SPATA6: variants seen among roughly 807,000 people sequenced by gnomAD.
SPATA6 encodes the protein spermatogenesis associated 6, also known as spermatogenesis-associated protein 6.
A neutral mutation model predicts 65.3 loss-of-function variants in SPATA6; 56 were observed. The observed-to-expected ratio is 0.86, with a 90% confidence interval of 0.69 to 1.07. The LOEUF is 1.07. Among genes scored for constraint, SPATA6 ranks in the 50% least tolerant of loss-of-function variants. SPATA6 has a pLI of 0.00. For missense variants in SPATA6, 590 were observed against 594.8 expected (o/e 0.99, Z 0.08); for synonymous variants, 199 against 213.2 (o/e 0.93, Z 0.58).
intron 9 of SPATA6, among the ~76,000 whole-genome samples, chr1:48,363,354 A>G (rs1347744434): frequency 6.6e-6 from 1 of 152,156 alleles, no homozygotes; most frequent in African/African-American, 2.4e-5. Context: ...TATTTCTTCA[A>G]TGTATCTTCA....
intron 3 of SPATA6, among the ~76,000 whole-genome samples, chr1:48,451,323 C>A (rs77541501): frequency 1.5e-3 from 223 of 152,182 alleles, no homozygotes; most frequent in African/African-American, 5.1e-3. Flanking sequence ...TTTCCACAGA[C>A]CAAACACACA....
At chr1:48,452,046 A>G (rs923925090) in intron 2 of SPATA6, among the ~76,000 whole-genome samples, 10 of 152,112 alleles carry the variant, frequency 6.6e-5, no homozygotes, top group African/African-American at 2.2e-4. Context: ...CCCGCCCATT[A>G]TTCTCTTCAT....
intron 9 of SPATA6, among the ~76,000 whole-genome samples, chr1:48,367,665 C>G (rs1321964187): frequency 6.6e-6 from 1 of 152,144 alleles, no homozygotes; most frequent in Non-Finnish European, 1.5e-5. Context: ...CTTCCTCCAT[C>G]CCTTTATTTT....
At chr1:48,421,420 T>A (rs1653324310) in intron 3 of SPATA6, among the ~76,000 whole-genome samples, 1 of 152,112 alleles carries the variant, frequency 6.6e-6, no homozygotes, top group Non-Finnish European at 1.5e-5. Context: ...AGCCATGTTA[T>A]ATTTGATCTC....
At chr1:48,416,041 G>C (rs187817151) in intron 3 of SPATA6, among the ~76,000 whole-genome samples, 4 of 152,030 alleles carry the variant, frequency 2.6e-5, no homozygotes, top group African/African-American at 9.6e-5. Context: ...TGTCTCTACA[G>C]AAAATACAAA....
At position 48,305,896 on chromosome 1, in the gene SPATA6, T is replaced by C; in HGVS notation, c.1195-18A>G. 1 of 1,594,446 alleles carries C rather than the reference T, an allele frequency of 6.3e-7. No individual in the cohort carries two copies. The highest frequency in any genetic ancestry group is 8.6e-7 in the Non-Finnish European group (1 of 1,164,166). On this transcript the variant is annotated intron_variant, in intron 11 of 12. Coordinates refer to ENST00000371847, the MANE Select transcript of SPATA6 (RefSeq NM_019073.4). ...CTCTCATCCTGAAAAATTTTAAAGA[T>C]TTCCATTAACTCACTGTCTCATTGT... is the stretch of plus-strand genomic sequence containing the variant.
intron 1 of SPATA6, among the ~76,000 whole-genome samples, chr1:48,471,755 G>A (rs1658270013): frequency 6.6e-6 from 1 of 152,248 alleles, no homozygotes; most frequent in Non-Finnish European, 1.5e-5. Flanking sequence ...GCATAGCGGA[G>A]CAGGGGTCAG....
the SPATA6 span, among the ~76,000 whole-genome samples, chr1:48,287,037 CAAA>C: frequency 8.0e-5 from 9 of 113,124 alleles, no homozygotes; most frequent in Non-Finnish European, 5.6e-5. Context: ...TAGACTGTCT[CAAA>C]AAAAAAAAAA....
chr1:48,282,253 C>A, the SPATA6 span, among the ~76,000 whole-genome samples: 27 of 152,272 alleles, frequency 1.8e-4, no homozygotes, highest in Non-Finnish European at 2.9e-4. Context: ...CTAGGCATTA[C>A]CATTCAGGAC....
At chr1:48,392,114 C>A (rs1650133148) in intron 8 of SPATA6, among the ~76,000 whole-genome samples, 1 of 152,038 alleles carries the variant, frequency 6.6e-6, no homozygotes, top group African/African-American at 2.4e-5. Context: ...GTTGTCTACT[C>A]AAGATATGAC....
In SPATA6 at chr1:48,315,198, G is replaced by C. The variant is rs574607453; in HGVS notation, c.1195-9320C>G. Among the ~76,000 whole-genome samples, 254 of 152,176 alleles carry C rather than the reference G, an allele frequency of 1.7e-3. 1 individual carries two copies. The highest frequency in any genetic ancestry group is 3.4e-3 in the African/African-American group (140 of 41,514). Reference sequence around the variant, plus strand: ...TCCTCCCTAACTCATTTTATGAGGCGAGCATCATCCTGATACCAAAGCCTG... The same window carrying C: ...TCCTCCCTAACTCATTTTATGAGGCCAGCATCATCCTGATACCAAAGCCTG... On this transcript the variant is annotated intron_variant, in intron 11 of 12. Coordinates refer to ENST00000371847, the MANE Select transcript of SPATA6 (RefSeq NM_019073.4).
chr1:48,314,701 C>G (rs1037041637), intron 11 of SPATA6, among the ~76,000 whole-genome samples: 1 of 152,022 alleles, frequency 6.6e-6, no homozygotes, highest in Admixed American at 6.6e-5. Context: ...CAGAGCAGAA[C>G]TGAAGGAGAC....
chr1:48,364,939 A>G (rs1398265019), intron 9 of SPATA6, among the ~76,000 whole-genome samples: 1 of 152,128 alleles, frequency 6.6e-6, no homozygotes, highest in Non-Finnish European at 1.5e-5. Flanking sequence ...TAGGTCTTAC[A>G]TGTAAGTCTT....
chr1:48,387,167 C>T (rs376893189), intron 8 of SPATA6, among the ~76,000 whole-genome samples: 3 of 152,098 alleles, frequency 2.0e-5, no homozygotes, highest in South Asian at 2.1e-4. Context: ...CATTAGATCT[C>T]GTGAGACTTA....
At chr1:48,275,620 C>T in the SPATA6 span, among the ~76,000 whole-genome samples, 2 of 152,066 alleles carry the variant, frequency 1.3e-5, no homozygotes, top group East Asian at 3.8e-4. Context: ...GTCATTGTTT[C>T]TGTTTCTGTG....
At chr1:48,308,956 G>C (rs114977947) in intron 11 of SPATA6, among the ~76,000 whole-genome samples, 5,389 of 152,112 alleles carry the variant, frequency 0.035, 314 homozygotes, top group African/African-American at 0.12. Context: ...CGAAATCATA[G>C]CTCACTGTAG....
In SPATA6 at chr1:48,297,078, A is replaced by G. The variant is rs1279870861; in HGVS notation, c.*1635T>C. On this transcript the variant is annotated 3_prime_UTR_variant, in exon 13 of 13. Coordinates refer to ENST00000371847, the MANE Select transcript of SPATA6 (RefSeq NM_019073.4). Reference sequence around the variant, plus strand: ...GTTTACAGGCGCTATTCCAGCATTAATATCATCTCTTTTTACCTCTATAAT... The same window carrying G: ...GTTTACAGGCGCTATTCCAGCATTAGTATCATCTCTTTTTACCTCTATAAT... The G allele has an allele frequency of 6.6e-6, 1 of 151,498 alleles. No individual in the cohort carries two copies. Among genetic ancestry groups the G allele is most frequent in the Admixed American group, 6.6e-5 (1 of 15,164 alleles). 9.4% of individuals were successfully genotyped at this position (151,498 alleles called of 1,614,324 possible).
At chr1:48,303,930 T>C (rs1644998065) in intron 12 of SPATA6, among the ~76,000 whole-genome samples, 1 of 152,166 alleles carries the variant, frequency 6.6e-6, no homozygotes, top group Admixed American at 6.6e-5. Flanking sequence ...CAGAGGTTCA[T>C]GCGAACTTCT....
chr1:48,325,277 A>T, intron 11 of SPATA6: 4 of 935,976 alleles, frequency 4.3e-6, no homozygotes, highest in Non-Finnish European at 6.7e-6. Context: ...GCCACCAATG[A>T]GTGCTGTCTT....
Sources: allele counts gnomAD v4.1 joint callset (sites outside exome capture counted in the v4.1 genomes callset), GRCh38; gene constraint gnomAD v4.1.1; transcripts MANE v1.5; gene names NCBI Gene and HGNC (gene_info 2026-07-23, HGNC 2026-07-21).